The following SMYD3 variants were observed in gnomAD, a reference collection of about 807,000 sequenced individuals.
The protein encoded by SMYD3 is histone-lysine N-methyltransferase SMYD3.
Under a neutral mutation model 57.7 loss-of-function variants are expected in SMYD3, and 36 were observed. That is an observed-to-expected ratio of 0.62 (90% CI 0.48 to 0.82). The LOEUF (loss-of-function observed/expected upper bound fraction) is 0.82, where lower values mean the gene tolerates loss of function less well. SMYD3 is among the 40% of genes least tolerant of loss of function. SMYD3 has a pLI of 0.00. For missense variants in SMYD3, 515 were observed against 538.8 expected, an observed-to-expected ratio of 0.96 and a Z score of 0.44; for synonymous variants, 211 against 195.0, an observed-to-expected ratio of 1.08 and a Z score of -0.68.
intron 1 of SMYD3, among the ~76,000 whole-genome samples, chr1:246,368,264 C>G (rs776695706): frequency 6.6e-6 from 1 of 152,102 alleles, no homozygotes; most frequent in African/African-American, 2.4e-5. Flanking sequence ...TATGGGGGTA[C>G]TATCTTAGGG....
At chr1:246,370,779 T>C (rs946908911) in intron 1 of SMYD3, among the ~76,000 whole-genome samples, 1 of 152,210 alleles carries the variant, frequency 6.6e-6, no homozygotes, top group African/African-American at 2.4e-5. Context: ...AATGTCGTCA[T>C]CTCCACACAG....
intron 5 of SMYD3, among the ~76,000 whole-genome samples, chr1:246,016,386 C>A (rs977261474): frequency 6.6e-6 from 1 of 151,896 alleles, no homozygotes; most frequent in African/African-American, 2.4e-5. Flanking sequence ...AGTTCAGGAC[C>A]AGCTTGGTCA....
intron 1 of SMYD3, among the ~76,000 whole-genome samples, chr1:246,439,354 G>A (rs761910769): frequency 5.3e-5 from 8 of 152,150 alleles, no homozygotes; most frequent in Admixed American, 1.3e-4. Context: ...TCAAGTTTCC[G>A]TGGACTTTAT....
Position 246,164,998 on chromosome 1 carries a change from A to G in SMYD3, c.531+162203T>C, listed in dbSNP as rs537520664. ...AACCCACAGACAGTGTGCAGAGAAC[A>G]AACAAGGTGGCGAAAGAACCCCACC... On this transcript the variant is annotated intron_variant, in intron 5 of 11. Transcript: ENST00000490107. 9.8e-5 allele frequency among the ~76,000 whole-genome samples: 15 copies of G among 152,336 alleles called. 1 individual carries two copies. The highest frequency in any genetic ancestry group is 3.4e-3 in the Middle Eastern group (1 of 294).
intron 10 of SMYD3, among the ~76,000 whole-genome samples, chr1:245,793,367 T>C (rs1475394014): frequency 1.3e-5 from 2 of 152,110 alleles, no homozygotes; most frequent in African/African-American, 4.8e-5. Flanking sequence ...TTGCATGTTT[T>C]CCCGCTGGCA....
chr1:246,328,373 T>C (rs902550731), intron 4 of SMYD3, among the ~76,000 whole-genome samples: 2 of 152,328 alleles, frequency 1.3e-5, no homozygotes, highest in East Asian at 3.9e-4. Flanking sequence ...ATTAATAACA[T>C]GTGAGAGCAT....
At chr1:245,761,315 T>C (rs1394108978) in intron 11 of SMYD3, among the ~76,000 whole-genome samples, 1 of 152,156 alleles carries the variant, frequency 6.6e-6, no homozygotes, top group Non-Finnish European at 1.5e-5. Flanking sequence ...AAAGAGGCGA[T>C]GCAACCTCAT....
At chr1:246,380,193 A>G (rs2066364920) in intron 1 of SMYD3, among the ~76,000 whole-genome samples, 1 of 152,206 alleles carries the variant, frequency 6.6e-6, no homozygotes. Flanking sequence ...ATCTTAATGC[A>G]TCACCTTCAT....
At chr1:246,185,647 G>C (rs2148302930) in intron 5 of SMYD3, among the ~76,000 whole-genome samples, 1 of 152,112 alleles carries the variant, frequency 6.6e-6, no homozygotes, top group African/African-American at 2.4e-5. Flanking sequence ...ATGTTTAGTA[G>C]ACATGGGGTT....
chr1:245,835,863 C>T (rs1188258817), intron 10 of SMYD3, among the ~76,000 whole-genome samples: 1 of 152,204 alleles, frequency 6.6e-6, no homozygotes, highest in Non-Finnish European at 1.5e-5. Flanking sequence ...ATTATCATGG[C>T]TGGTCTTCCT....
chr1:246,197,351 AC>A (rs1259746321), intron 5 of SMYD3, among the ~76,000 whole-genome samples: 1 of 152,022 alleles, frequency 6.6e-6, no homozygotes, highest in Admixed American at 6.6e-5. Context: ...GACAAACGCG[AC>A]CTCAGCTAGG....
chr1:245,750,718 T>TG (rs1168624472), intron 11 of SMYD3, among the ~76,000 whole-genome samples: 26 of 3,820 alleles, frequency 6.8e-3, no homozygotes, highest in South Asian at 0.036. Flanking sequence ...CCTGCCCAAA[T>TG]GGGGGGGTGG....
intron 1 of SMYD3, among the ~76,000 whole-genome samples, chr1:246,357,962 T>G (rs1392856618): frequency 1.3e-5 from 2 of 152,138 alleles, no homozygotes; most frequent in African/African-American, 4.8e-5. Context: ...GTACCTCACA[T>G]CTCAATACTA....
At chr1:245,918,684 G>A (rs552231758) in intron 7 of SMYD3, among the ~76,000 whole-genome samples, 91 of 152,362 alleles carry the variant, frequency 6.0e-4, no homozygotes, top group African/African-American at 2.0e-3. Context: ...GTCTGGGACA[G>A]TAGATAGATT....
chr1:246,013,347 T>A (rs1247674461), intron 5 of SMYD3, among the ~76,000 whole-genome samples: 2 of 151,944 alleles, frequency 1.3e-5, no homozygotes, highest in Non-Finnish European at 2.9e-5. Context: ...GTCCAGCTAA[T>A]TTTTGTATTT....
At chr1:246,319,844 A>G (rs2065218359) in intron 5 of SMYD3, among the ~76,000 whole-genome samples, 1 of 152,208 alleles carries the variant, frequency 6.6e-6, no homozygotes, top group African/African-American at 2.4e-5. Context: ...ATTGAGGTAC[A>G]CTGTTCACCA....
At chr1:246,439,238 A>T (rs2067428068) in intron 1 of SMYD3, among the ~76,000 whole-genome samples, 1 of 151,994 alleles carries the variant, frequency 6.6e-6, no homozygotes, top group South Asian at 2.1e-4. Flanking sequence ...ATGAGACTAC[A>T]GGCAAACACC....
chr1:246,016,802 T>C (rs2059385197), intron 5 of SMYD3, among the ~76,000 whole-genome samples: 1 of 152,120 alleles, frequency 6.6e-6, no homozygotes. Context: ...GCTGGAATTA[T>C]GTTACCGAGA....
intron 1 of SMYD3, among the ~76,000 whole-genome samples, chr1:246,434,055 A>G (rs900763294): frequency 6.6e-6 from 1 of 152,212 alleles, no homozygotes; most frequent in East Asian, 1.9e-4. Flanking sequence ...GTGCTGGGAT[A>G]GGCTACCTAT....
Sources: gnomAD v4.1 joint callset for allele counts (sites outside exome capture counted in the v4.1 genomes callset) on GRCh38, gnomAD v4.1.1 for gene constraint, MANE v1.5 for transcripts, NCBI Gene and HGNC (gene_info 2026-07-23, HGNC 2026-07-21) for gene names.